Variants in DDIAS observed in about 807,000 individuals in gnomAD.
The protein encoded by DDIAS is DNA damage induced apoptosis suppressor.
Under a neutral mutation model 15.7 loss-of-function variants are expected in DDIAS, and 14 were observed. The ratio of observed to expected loss-of-function variants is 0.89; its 90% CI spans 0.59 to 1.39. DDIAS has a LOEUF of 1.39. DDIAS is among the 40% of genes most tolerant of loss of function. DDIAS has a pLI of 0.00. For synonymous variants in DDIAS, 355 were observed against 395.9 expected, an observed-to-expected ratio of 0.90 and a Z score of 1.23; for missense variants, 1,035 against 1,130.9, an observed-to-expected ratio of 0.92 and a Z score of 1.22.
chr11:82,928,454 C>T (rs1280737644), intron 3 of DDIAS, among the ~76,000 whole-genome samples: 1 of 151,950 alleles, frequency 6.6e-6, no homozygotes, highest in African/African-American at 2.4e-5. Flanking sequence ...CCGCCTCGGC[C>T]TCCCAAAGTG....
chr11:82,925,928 C>G (rs921315830), intron 3 of DDIAS, among the ~76,000 whole-genome samples: 1 of 150,874 alleles, frequency 6.6e-6, no homozygotes, highest in African/African-American at 2.4e-5. Flanking sequence ...GTGGAGGTTG[C>G]AGTGAGCCAA....
rs145237081 is a variant in DDIAS at position 82,908,830 on chromosome 11, G to C, written c.-116-4457G>C. On this transcript the variant is annotated intron_variant, in intron 1 of 5. Transcript: ENST00000533655. ...TATTCCTGTATTTTTCTGTTCCTCT[G>C]TTCCCACTTTAGGAGGAAAGTAACT... Among the ~76,000 whole-genome samples the C allele has an allele frequency of 8.5e-3, 1,291 of 152,276 alleles. 18 individuals are homozygous for C. The highest frequency in any genetic ancestry group is 0.03 in the African/African-American group (1,237 of 41,556).
Position 82,933,350 on chromosome 11 carries a change from G to T in DDIAS, c.2012G>T (p.Gly671Val). ...VTQSYSIGYE[G>V]SYDASADLFD... ...CAGAGCTATTCTATTGGTTATGAAG[G>T]TAGCTATGATGCCTCTGCTGATCTC... The change falls in exon 6 of 6, where the codon GGT becomes GTT. Residue 671 changes from glycine to valine, a missense_variant. Gly to Val is a moderately radical substitution (Grantham distance 109, BLOSUM62 -3). Coordinates refer to ENST00000533655, the MANE Select transcript of DDIAS (RefSeq NM_145018.4). 2 of 1,614,022 alleles carry T rather than the reference G, an allele frequency of 1.2e-6. No individual in the cohort carries two copies. The highest frequency in any genetic ancestry group is 1.7e-6 in the Non-Finnish European group (2 of 1,179,986).
chr11:82,928,699 T>A, intron 3 of DDIAS, 78 bp from the exon 4 acceptor site: 1 of 1,456,626 alleles, frequency 6.9e-7, no homozygotes, highest in South Asian at 1.2e-5. Flanking sequence ...TTATTTTAAA[T>A]TTTTACTGTT....
intron 3 of DDIAS, among the ~76,000 whole-genome samples, chr11:82,918,016 T>C (rs906409828): frequency 5.9e-5 from 9 of 152,214 alleles, no homozygotes; most frequent in African/African-American, 1.9e-4. Flanking sequence ...TTGAGTTCGT[T>C]GTAGATTCTG....
At chr11:82,915,756 T>C (rs1485965094) in intron 3 of DDIAS, among the ~76,000 whole-genome samples, 1 of 152,206 alleles carries the variant, frequency 6.6e-6, no homozygotes, top group Non-Finnish European at 1.5e-5. Flanking sequence ...GATAGCATGA[T>C]AGTGTTTAGA....
At chr11:82,913,652 A>T in intron 2 of DDIAS, 1 of 417,940 alleles carries the variant, frequency 2.4e-6, no homozygotes, top group Non-Finnish European at 4.6e-6. Context: ...TTTTCTCTTC[A>T]AGATGTATCA....
chr11:82,918,856 T>C (rs749341988), intron 3 of DDIAS, among the ~76,000 whole-genome samples: 1 of 152,162 alleles, frequency 6.6e-6, no homozygotes, highest in Admixed American at 6.5e-5. Flanking sequence ...TTTTTGTAGC[T>C]GTTGTAAAAG....
rs1226989585 is a variant in DDIAS at position 82,933,745 on chromosome 11, G to A, written c.2407G>A (p.Gly803Ser). The change falls in exon 6 of 6, where the codon GGT becomes AGT. Residue 803 changes from glycine (G) to serine (S), a missense_variant. Physicochemically the swap from Gly to Ser is moderately conservative, Grantham distance 56 (BLOSUM62 0). Coordinates refer to ENST00000533655, the MANE Select transcript of DDIAS (RefSeq NM_145018.4). ...ACCTGTATTTTATTCAGATCTTGAT[G>A]GTAACTATGAAAAAATAAGGATTTT... ...KKPVFYSDLD[G>S]NYEKIRIFPE... 6.2e-7 allele frequency: 1 copy of A among 1,610,800 alleles called. No homozygotes were observed. The highest frequency in any genetic ancestry group is 2.2e-5 in the East Asian group (1 of 44,876).
At chr11:82,923,254 C>T (rs970705566) in intron 3 of DDIAS, among the ~76,000 whole-genome samples, 4 of 152,208 alleles carry the variant, frequency 2.6e-5, no homozygotes, top group African/African-American at 7.2e-5. Context: ...GCCTCCCATC[C>T]GCCATGATGA....
chr11:82,906,440 T>A (rs1218226136), intron 1 of DDIAS, among the ~76,000 whole-genome samples: 1 of 152,164 alleles, frequency 6.6e-6, no homozygotes, highest in African/African-American at 2.4e-5. Context: ...GCTGGCACAA[T>A]TAATTTAGAA....
chr11:82,923,912 T>C (rs1250565030), intron 3 of DDIAS, among the ~76,000 whole-genome samples: 1 of 152,216 alleles, frequency 6.6e-6, no homozygotes, highest in Non-Finnish European at 1.5e-5. Context: ...CCCCAGATTA[T>C]AAGCTGGAGA....
At chr11:82,922,119 C>G (rs188267403) in intron 3 of DDIAS, among the ~76,000 whole-genome samples, 1 of 152,116 alleles carries the variant, frequency 6.6e-6, no homozygotes, top group East Asian at 1.9e-4. Context: ...TTACCTGGTG[C>G]TTCTGTCTCA....
At chr11:82,927,408 A>G (rs1342027061) in intron 3 of DDIAS, among the ~76,000 whole-genome samples, 1 of 152,136 alleles carries the variant, frequency 6.6e-6, no homozygotes, top group Non-Finnish European at 1.5e-5. Flanking sequence ...TGGCAGAAGA[A>G]TAACAGCACA....
chr11:82,911,448 CTCTT>C (rs147085800), intron 1 of DDIAS, among the ~76,000 whole-genome samples: 11,294 of 152,248 alleles, frequency 0.074, 894 homozygotes, highest in African/African-American at 0.19. Context: ...AGAAACTACT[CTCTT>C]TGTTTATCCA....
Position 82,933,962 on chromosome 11 carries a change from C to G in DDIAS, c.2624C>G (p.Ser875Ter). The change falls in exon 6 of 6, where the codon TCA becomes TGA. Residue 875 changes from serine to a stop codon, truncating the protein, a stop_gained. Transcript: ENST00000533655. LOFTEE classifies it low-confidence loss of function (END_TRUNC). ...CCTACCACACAAAAAATATTTCCTT[C>G]AGATATGCTTGGATTCCAAGGCATA... is the stretch of plus-strand genomic sequence containing the variant. ...VPPTTQKIFP[S>*]DMLGFQGIGL... 6.2e-7 allele frequency: 1 copy of G among 1,612,666 alleles called. No individual in the cohort carries two copies. Among genetic ancestry groups the G allele is most frequent in the Non-Finnish European group, 8.5e-7 (1 of 1,179,672 alleles).
At chr11:82,902,635 A>G (rs1860344535) in intron 1 of DDIAS, among the ~76,000 whole-genome samples, 2 of 152,126 alleles carry the variant, frequency 1.3e-5, no homozygotes, top group Admixed American at 1.3e-4. Flanking sequence ...CCAGCCATAT[A>G]GAATGTCTTT....
chr11:82,928,762 C>G lies in DDIAS; in HGVS notation c.114-15C>G. 1.9e-6 allele frequency: 3 copies of G among 1,608,008 alleles called. No homozygotes were observed. The highest frequency in any genetic ancestry group is 2.5e-6 in the Non-Finnish European group (3 of 1,178,196). ...TTAATGAACATCTCCACACTTTTTT[C>G]CACCACTTTTCTAGGTCTAATTGTC... On this transcript the variant is annotated splice_polypyrimidine_tract_variant and intron_variant, in intron 3 of 5. Transcript: ENST00000533655.
intron 1 of DDIAS, among the ~76,000 whole-genome samples, chr11:82,911,022 A>T (rs1860522597): frequency 6.6e-6 from 1 of 152,226 alleles, no homozygotes; most frequent in Non-Finnish European, 1.5e-5. Flanking sequence ...ATGCAATAGC[A>T]TTATGTCTAA....
Sources: gnomAD v4.1 joint callset for allele counts (sites outside exome capture counted in the v4.1 genomes callset) on GRCh38, gnomAD v4.1.1 for gene constraint, MANE v1.5 for transcripts, NCBI Gene and HGNC (gene_info 2026-07-23, HGNC 2026-07-21) for gene names.